Variants in RBFOX1 observed in about 807,000 individuals in gnomAD.
RBFOX1 encodes RNA binding fox-1 homolog 1.
A neutral mutation model predicts 57.7 loss-of-function variants in RBFOX1; 8 were observed. The observed-to-expected ratio is 0.14, with a 90% CI of 0.08 to 0.25. The LOEUF (loss-of-function observed/expected upper bound fraction) is 0.25. RBFOX1 is among the 10% of genes least tolerant of loss of function. The probability of loss-of-function intolerance (pLI) is 1.00; values close to 1 mark genes in which losing one functional copy is unlikely to be tolerated. For synonymous variants in RBFOX1, 326 were observed against 222.4 expected (o/e 1.47, Z -4.15); for missense variants, 611 against 548.5 (o/e 1.11, Z -1.14).
intron 4 of RBFOX1, among the ~76,000 whole-genome samples, chr16:7,321,849 C>T (rs2096549330): frequency 6.6e-6 from 1 of 152,184 alleles, no homozygotes; most frequent in South Asian, 2.1e-4. Flanking sequence ...TCCCACCTGT[C>T]AGAGGCTCTC....
intron 4 of RBFOX1, among the ~76,000 whole-genome samples, chr16:7,055,265 A>G (rs2051747548): frequency 6.6e-6 from 1 of 152,212 alleles, no homozygotes; most frequent in East Asian, 1.9e-4. Flanking sequence ...TTGTTTATAG[A>G]ACATACTCTT....
chr16:5,732,272 G>A (rs1185654979), intron 3 of RBFOX1, among the ~76,000 whole-genome samples: 1 of 152,124 alleles, frequency 6.6e-6, no homozygotes, highest in East Asian at 1.9e-4. Flanking sequence ...AGTGGAGTTG[G>A]TTATTAAAAT....
At chr16:5,919,282 A>T (rs1444622455) in intron 4 of RBFOX1, among the ~76,000 whole-genome samples, 1 of 152,222 alleles carries the variant, frequency 6.6e-6, no homozygotes, top group Non-Finnish European at 1.5e-5. Flanking sequence ...ACAGTAAATC[A>T]TGGTGTCACC....
chr16:7,106,852 A>G (rs2063676268), intron 4 of RBFOX1, among the ~76,000 whole-genome samples: 1 of 152,130 alleles, frequency 6.6e-6, no homozygotes, highest in African/African-American at 2.4e-5. Flanking sequence ...AAAATAGTAT[A>G]TTAATTAATT....
intron 2 of RBFOX1, among the ~76,000 whole-genome samples, chr16:5,483,172 G>A (rs377722116): frequency 6.6e-5 from 10 of 152,162 alleles, no homozygotes; most frequent in South Asian, 4.1e-4. Flanking sequence ...TCTCATCCTC[G>A]GAGTCCAGAG....
chr16:6,834,705 G>T (rs968887833), intron 3 of RBFOX1, among the ~76,000 whole-genome samples: 1 of 152,104 alleles, frequency 6.6e-6, no homozygotes, highest in Non-Finnish European at 1.5e-5. Flanking sequence ...CATGCTAAGT[G>T]ATATCTGGAG....
chr16:6,694,155 G>C (rs1603431883), intron 3 of RBFOX1, among the ~76,000 whole-genome samples: 1 of 152,186 alleles, frequency 6.6e-6, no homozygotes, highest in East Asian at 1.9e-4. Flanking sequence ...TCTGCCAACT[G>C]TTGGAGTTTT....
intron 2 of RBFOX1, among the ~76,000 whole-genome samples, chr16:6,341,633 G>C (rs543665452): frequency 6.6e-6 from 1 of 151,762 alleles, no homozygotes; most frequent in African/African-American, 2.4e-5. Flanking sequence ...TGATAGTAAA[G>C]CACATCTTCC....
At chr16:5,830,902 C>A (rs919406133) in intron 3 of RBFOX1, among the ~76,000 whole-genome samples, 2 of 152,206 alleles carry the variant, frequency 1.3e-5, no homozygotes, top group African/African-American at 4.8e-5. Context: ...ACATTTGAGC[C>A]TCTCCTGTGA....
At chr16:7,176,796 A>G (rs896317680) in intron 4 of RBFOX1, among the ~76,000 whole-genome samples, 5 of 152,254 alleles carry the variant, frequency 3.3e-5, no homozygotes, top group African/African-American at 1.2e-4. Context: ...GTACTTACCT[A>G]TACACATATG....
chr16:7,119,610 A>C (rs1191811065), intron 4 of RBFOX1, among the ~76,000 whole-genome samples: 1 of 152,126 alleles, frequency 6.6e-6, no homozygotes, highest in Non-Finnish European at 1.5e-5. Flanking sequence ...CCAGACATAC[A>C]GGAGGACATT....
In RBFOX1 at chr16:6,924,875, C is replaced by G. The variant is rs1432187952; in HGVS notation, c.-15-127182C>G. On this transcript the variant is annotated intron_variant, in intron 3 of 15. Transcript: ENST00000550418. Reference sequence around the variant, plus strand: ...ACAACAGTCCCTGGTGTGTGATGTTCCCCTTCCTGTGTCCATGTGTTCTCA... The same window carrying G: ...ACAACAGTCCCTGGTGTGTGATGTTGCCCTTCCTGTGTCCATGTGTTCTCA... Among the ~76,000 whole-genome samples the G allele has an allele frequency of 1.2e-4, 15 of 128,798 alleles. No homozygotes were observed. The Admixed American group carries it at 1.3e-3, about 11-fold the overall frequency. 84.5% of individuals were successfully genotyped at this position (128,798 alleles called of 152,430 possible).
intron 3 of RBFOX1, among the ~76,000 whole-genome samples, chr16:6,961,658 G>A (rs188952618): frequency 1.1e-4 from 17 of 152,256 alleles, no homozygotes; most frequent in Admixed American, 9.2e-4. Context: ...GGTGAATTAT[G>A]AGTTTTCTGG....
intron 3 of RBFOX1, among the ~76,000 whole-genome samples, chr16:6,939,507 T>TGTTC (rs1567980445): frequency 1.5e-5 from 2 of 130,014 alleles, no homozygotes; most frequent in Non-Finnish European, 1.5e-5. Flanking sequence ...TTTTTCTTTC[T>TGTTC]TTTTTTTTTT....
chr16:6,902,743 C>G (rs1390965271), intron 3 of RBFOX1, among the ~76,000 whole-genome samples: 4 of 152,102 alleles, frequency 2.6e-5, no homozygotes, highest in Non-Finnish European at 5.9e-5. Context: ...GAAGTGGTTT[C>G]CATACACATC....
intron 3 of RBFOX1, among the ~76,000 whole-genome samples, chr16:6,675,735 T>C (rs752155999): frequency 6.6e-6 from 1 of 152,120 alleles, no homozygotes; most frequent in Non-Finnish European, 1.5e-5. Context: ...GGCTTTCCCT[T>C]TATGAAACCA....
At chr16:6,790,618 T>A (rs1358166264) in intron 3 of RBFOX1, among the ~76,000 whole-genome samples, 2 of 152,194 alleles carry the variant, frequency 1.3e-5, no homozygotes, top group Admixed American at 1.3e-4. Context: ...TGTTTTTAAG[T>A]CTCTTTACTG....
intron 2 of RBFOX1, among the ~76,000 whole-genome samples, chr16:6,325,940 C>T (rs2082319414): frequency 6.6e-6 from 1 of 152,282 alleles, no homozygotes; most frequent in East Asian, 1.9e-4. Flanking sequence ...TAAACAGTAA[C>T]AATGATTGCT....
intron 2 of RBFOX1, among the ~76,000 whole-genome samples, chr16:5,589,141 A>G (rs1432509453): frequency 5.3e-5 from 8 of 152,192 alleles, no homozygotes; most frequent in East Asian, 3.9e-4. Flanking sequence ...GGTTTCCCCA[A>G]TCTGCTGGGT....
Sources: allele counts gnomAD v4.1 joint callset (sites outside exome capture counted in the v4.1 genomes callset), GRCh38; gene constraint gnomAD v4.1.1; transcripts MANE v1.5; gene names NCBI Gene and HGNC (gene_info 2026-07-23, HGNC 2026-07-21).